MAP3K14: variants seen among roughly 807,000 people sequenced by gnomAD.
MAP3K14 encodes the protein NF-kappa-beta-inducing kinase.
Under a neutral mutation model 99.2 loss-of-function variants are expected in MAP3K14, and 16 were observed. The ratio of observed to expected loss-of-function variants is 0.16; its 90% confidence interval spans 0.11 to 0.24. The LOEUF is 0.24. Among genes scored for constraint, MAP3K14 ranks in the 10% least tolerant of loss-of-function variants. MAP3K14 has a pLI of 1.00. For missense variants in MAP3K14, 784 were observed against 1,208.7 expected, an observed-to-expected ratio of 0.65 and a Z score of 5.21; for synonymous variants, 462 against 492.4, an observed-to-expected ratio of 0.94 and a Z score of 0.82.
intron 1 of MAP3K14, among the ~76,000 whole-genome samples, chr17:45,301,863 C>CA (rs1270612086): frequency 1.4e-5 from 2 of 145,310 alleles, no homozygotes; most frequent in Admixed American, 6.9e-5. Flanking sequence ...GATGCAGTCT[C>CA]ACTCTGTCAC....
chr17:45,307,692 A>G (rs1374036891), intron 1 of MAP3K14, among the ~76,000 whole-genome samples: 1 of 152,204 alleles, frequency 6.6e-6, no homozygotes, highest in African/African-American at 2.4e-5. Flanking sequence ...AGCAGCGTCT[A>G]CCTGTGTTCA....
intron 13 of MAP3K14, 114 bp downstream of exon 13, chr17:45,266,978 C>A: frequency 1.2e-6 from 1 of 823,100 alleles, no homozygotes; most frequent in South Asian, 1.6e-5. Flanking sequence ...CCTCCCTTTA[C>A]CCACTACTTG....
intron 3 of MAP3K14, among the ~76,000 whole-genome samples, chr17:45,287,837 G>A (rs1012677978): frequency 2.0e-5 from 3 of 152,192 alleles, no homozygotes; most frequent in African/African-American, 7.2e-5. Context: ...TGTTGCCTCC[G>A]GATGGAGGAA....
At chr17:45,278,097 C>T (rs1022777627) in intron 6 of MAP3K14, among the ~76,000 whole-genome samples, 12 of 152,292 alleles carry the variant, frequency 7.9e-5, no homozygotes, top group Admixed American at 5.9e-4. Flanking sequence ...TTTGTTTTGG[C>T]CTGGGTTGCC....
intron 4 of MAP3K14, 40 bp downstream of exon 4, chr17:45,287,114 C>T (rs747052805): frequency 2.5e-6 from 4 of 1,603,540 alleles, no homozygotes; most frequent in Non-Finnish European, 3.4e-6. Flanking sequence ...TTTCAAGGCC[C>T]CATGAACCTG....
chr17:45,280,299 CTTT>C (rs751994880), intron 6 of MAP3K14, among the ~76,000 whole-genome samples: 1 of 122,326 alleles, frequency 8.2e-6, no homozygotes, highest in Non-Finnish European at 1.7e-5. Context: ...CACAGAAACA[CTTT>C]TTTTTTTTTT....
intron 6 of MAP3K14, chr17:45,281,807 C>A (rs1012452979): frequency 1.3e-5 from 2 of 151,876 alleles, no homozygotes; most frequent in Admixed American, 6.6e-5. Context: ...CCACACCCGG[C>A]TAATATTTGT....
chr17:45,312,265 A>G (rs1300095126), intron 1 of MAP3K14, among the ~76,000 whole-genome samples: 1 of 152,220 alleles, frequency 6.6e-6, no homozygotes, highest in African/African-American at 2.4e-5. Context: ...AGCAAGGTCC[A>G]GGCACACTCT....
intron 10 of MAP3K14, chr17:45,270,824 C>A: frequency 1.3e-6 from 1 of 756,666 alleles, no homozygotes; most frequent in Non-Finnish European, 2.2e-6. Context: ...GGATGGGGCC[C>A]AGGGTATGGA....
At chr17:45,285,752 T>C (rs867722010) in intron 5 of MAP3K14, among the ~76,000 whole-genome samples, 16 of 151,916 alleles carry the variant, frequency 1.1e-4, no homozygotes, top group African/African-American at 3.9e-4. Context: ...GCCCAGGAGT[T>C]TGAGACCAGC....
At chr17:45,288,341 G>C (rs1048647626) in intron 3 of MAP3K14, among the ~76,000 whole-genome samples, 1 of 151,768 alleles carries the variant, frequency 6.6e-6, no homozygotes, top group Non-Finnish European at 1.5e-5. Context: ...AAACCTGCCT[G>C]GTGATAGGGG....
intron 1 of MAP3K14, among the ~76,000 whole-genome samples, chr17:45,311,135 T>C (rs1171680417): frequency 6.6e-6 from 1 of 152,254 alleles, no homozygotes; most frequent in Non-Finnish European, 1.5e-5. Context: ...GGCAACCCAC[T>C]TGGCTTTCTT....
chr17:45,288,879 C>A (rs531505429), intron 3 of MAP3K14, among the ~76,000 whole-genome samples: 6 of 152,164 alleles, frequency 3.9e-5, no homozygotes, highest in Admixed American at 6.5e-5. Flanking sequence ...AGGCCCCCCC[C>A]ACCAACCCGG....
At chr17:45,289,328 A>G in intron 2 of MAP3K14, 23 bp from the exon 3 acceptor site, 1 of 1,598,968 alleles carries the variant, frequency 6.3e-7, no homozygotes, top group South Asian at 1.1e-5. Context: ...GAGTTGGATT[A>G]GCAGAGAGGA....
At chr17:45,274,698 G>T in intron 6 of MAP3K14, 105 bp from the exon 7 acceptor site, 1 of 1,391,086 alleles carries the variant, frequency 7.2e-7, no homozygotes, top group Non-Finnish European at 9.6e-7. Flanking sequence ...GGCTGCTGCT[G>T]TTTCCAGTGG....
chr17:45,277,775 C>A (rs1448737283), intron 6 of MAP3K14, among the ~76,000 whole-genome samples: 1 of 152,190 alleles, frequency 6.6e-6, no homozygotes, highest in Non-Finnish European at 1.5e-5. Flanking sequence ...CGAGACAGTT[C>A]AGCTTCAAAG....
At chr17:45,301,819 G>C (rs1336141414) in intron 1 of MAP3K14, among the ~76,000 whole-genome samples, 4 of 147,292 alleles carry the variant, frequency 2.7e-5, no homozygotes, top group Non-Finnish European at 3.0e-5. Context: ...GCACATATTA[G>C]TTTTCTCAGT....
intron 1 of MAP3K14, among the ~76,000 whole-genome samples, chr17:45,299,786 A>G (rs1426969157): frequency 6.6e-6 from 1 of 152,176 alleles, no homozygotes; most frequent in Non-Finnish European, 1.5e-5. Flanking sequence ...CAAATCTGAC[A>G]TGCCCTCAAA....
intron 1 of MAP3K14, among the ~76,000 whole-genome samples, chr17:45,306,049 T>G (rs1353834423): frequency 6.6e-6 from 1 of 152,248 alleles, no homozygotes; most frequent in Non-Finnish European, 1.5e-5. Flanking sequence ...AACTACATGC[T>G]GGTTGTTGGT....
Sources: allele counts gnomAD v4.1 joint callset (sites outside exome capture counted in the v4.1 genomes callset), GRCh38; gene constraint gnomAD v4.1.1; transcripts MANE v1.5; gene names NCBI Gene and HGNC (gene_info 2026-07-23, HGNC 2026-07-21).